The following CNTNAP5 variants were observed in gnomAD, a reference collection of about 807,000 sequenced individuals.
CNTNAP5 encodes the protein contactin associated protein family member 5.
CNTNAP5 carries 72 observed loss-of-function variants against 150.2 expected under a neutral mutation model. That is an observed-to-expected ratio of 0.48 (90% CI 0.40 to 0.58). The LOEUF (loss-of-function observed/expected upper bound fraction) is 0.58, where lower values mean the gene tolerates loss of function less well. Ranked by LOEUF, CNTNAP5 falls within the 20% of genes least tolerant of loss-of-function variation. The pLI is 0.00. For synonymous variants in CNTNAP5, 672 were observed against 619.8 expected (o/e 1.08, Z -1.25); for missense variants, 1,636 against 1,626.2 (o/e 1.01, Z -0.10).
chr2:124,685,579 G>A (rs951429437), intron 13 of CNTNAP5, among the ~76,000 whole-genome samples: 6 of 152,080 alleles, frequency 3.9e-5, no homozygotes, highest in Non-Finnish European at 8.8e-5. Flanking sequence ...GCTCAATCCT[G>A]AATCACTAAA....
intron 17 of CNTNAP5, among the ~76,000 whole-genome samples, chr2:124,774,312 T>C (rs1348505208): frequency 6.6e-6 from 1 of 152,116 alleles, no homozygotes; most frequent in Non-Finnish European, 1.5e-5. Flanking sequence ...TCCTTTAAAT[T>C]TAGGTTTGTG....
At chr2:124,687,562 A>G (rs978056984) in intron 13 of CNTNAP5, among the ~76,000 whole-genome samples, 1 of 151,512 alleles carries the variant, frequency 6.6e-6, no homozygotes, top group Non-Finnish European at 1.5e-5. Flanking sequence ...GTGCTTGGAG[A>G]ATATTGATGT....
At chr2:124,667,539 G>T (rs1260659807) in intron 13 of CNTNAP5, among the ~76,000 whole-genome samples, 2 of 152,144 alleles carry the variant, frequency 1.3e-5, no homozygotes, top group Non-Finnish European at 2.9e-5. Context: ...GTTTTGGTGG[G>T]TGTGTTCTTC....
chr2:124,686,406 T>C (rs1405404365), intron 13 of CNTNAP5, among the ~76,000 whole-genome samples: 1 of 152,130 alleles, frequency 6.6e-6, no homozygotes, highest in East Asian at 1.9e-4. Flanking sequence ...AAAACTGAAC[T>C]GAAGGGGTAG....
chr2:124,630,100 G>T (rs1242444921), intron 12 of CNTNAP5, among the ~76,000 whole-genome samples: 1 of 150,412 alleles, frequency 6.6e-6, no homozygotes, highest in Non-Finnish European at 1.5e-5. Flanking sequence ...AAAAAAAAAA[G>T]AATCCCAAGT....
intron 3 of CNTNAP5, among the ~76,000 whole-genome samples, chr2:124,343,710 G>T (rs567328116): frequency 6.1e-4 from 93 of 152,214 alleles, no homozygotes; most frequent in South Asian, 1.2e-3. Flanking sequence ...TACAAAGAAC[G>T]TGTTTCTCTC....
At chr2:124,197,176 A>G (rs1442455283) in intron 1 of CNTNAP5, among the ~76,000 whole-genome samples, 1 of 152,192 alleles carries the variant, frequency 6.6e-6, no homozygotes, top group Admixed American at 6.5e-5. Context: ...TATGATCTCA[A>G]TTTAGGGAAA....
In CNTNAP5 at chr2:124,750,597, G is replaced by A. The variant is rs191363737; in HGVS notation, c.2234+3212G>A. ...GTGCAGAGAAAGTCAGGGGCATTAC[G>A]GTCCCTGCCCTTGAGGAACCCTCAG... On this transcript the variant is annotated intron_variant, in intron 14 of 23. Transcript: ENST00000682447. Among the ~76,000 whole-genome samples, 181 of 152,210 alleles carry A rather than the reference G, an allele frequency of 1.2e-3. 1 individual carries two copies. In the Middle Eastern group the frequency reaches 0.017, roughly 14 times the overall value.
At chr2:124,749,139 G>A (rs879641355) in intron 14 of CNTNAP5, among the ~76,000 whole-genome samples, 1 of 152,168 alleles carries the variant, frequency 6.6e-6, no homozygotes, top group Non-Finnish European at 1.5e-5. Context: ...GTGTGTTGAA[G>A]TGTTAGATGG....
chr2:124,581,296 TA>T (rs1468982489), intron 11 of CNTNAP5, among the ~76,000 whole-genome samples: 1 of 152,202 alleles, frequency 6.6e-6, no homozygotes, highest in East Asian at 1.9e-4. Context: ...AAGGTGGGAA[TA>T]AAAGTGAAAC....
chr2:124,290,876 TTATTTATTTATTTATTTA>T (rs1688271607), intron 3 of CNTNAP5, among the ~76,000 whole-genome samples: 56 of 29,868 alleles, frequency 1.9e-3, no homozygotes, highest in African/African-American at 9.6e-3. Flanking sequence ...CTTCCTTCCT[TTATTTATTTATTTATTTA>T]TTTATTTATT....
At chr2:124,786,767 A>G (rs765258780) in intron 17 of CNTNAP5, among the ~76,000 whole-genome samples, 11 of 152,108 alleles carry the variant, frequency 7.2e-5, no homozygotes, top group African/African-American at 1.2e-4. Flanking sequence ...TTTCTGTACA[A>G]TAAGTTTTAC....
At chr2:124,412,478 T>C (rs1272253374) in intron 3 of CNTNAP5, among the ~76,000 whole-genome samples, 1 of 151,046 alleles carries the variant, frequency 6.6e-6, no homozygotes, top group Non-Finnish European at 1.5e-5. Flanking sequence ...GACTTCAAAC[T>C]ATACTACAAG....
chr2:124,862,740 G>T (rs1053033639), intron 19 of CNTNAP5, among the ~76,000 whole-genome samples: 4 of 152,208 alleles, frequency 2.6e-5, no homozygotes, highest in Non-Finnish European at 5.9e-5. Flanking sequence ...CCTTCTGGAA[G>T]TTAGCCTTTC....
chr2:124,702,202 C>T (rs1679535898), intron 13 of CNTNAP5, among the ~76,000 whole-genome samples: 1 of 151,868 alleles, frequency 6.6e-6, no homozygotes, highest in Non-Finnish European at 1.5e-5. Flanking sequence ...AATTCTTCTG[C>T]CCAAAATGAG....
intron 21 of CNTNAP5, among the ~76,000 whole-genome samples, chr2:124,897,251 T>C (rs1306726475): frequency 1.3e-5 from 2 of 151,550 alleles, no homozygotes; most frequent in Non-Finnish European, 2.9e-5. Context: ...TGATCACTGT[T>C]ACCCTAGATT....
Position 124,390,944 on chromosome 2 carries a change from G to A in CNTNAP5, c.382-26499G>A, listed in dbSNP as rs79284949. 5.9e-3 allele frequency among the ~76,000 whole-genome samples: 895 copies of A among 152,332 alleles called. 7 individuals are homozygous for A. Among genetic ancestry groups the A allele is most frequent in the African/African-American group, 0.02 (845 of 41,576 alleles). ...AGTATTTCTGTAAGGGAGATAAAAA[G>A]TATTTGCGTTAGACATGGGTTCAGA... is the stretch of plus-strand genomic sequence containing the variant. On this transcript the variant is annotated intron_variant, in intron 3 of 23. Transcript: ENST00000682447.
At position 124,914,556 on chromosome 2, in the gene CNTNAP5, C is replaced by T; in HGVS notation, c.*268C>T. The T allele has an allele frequency of 2.5e-6, 1 of 406,462 alleles. No individual in the cohort carries two copies. The allele number at this position is 406,462 out of a possible 1,614,324, so 25.2% of individuals were successfully genotyped here. A position where few individuals can be genotyped will look rare whatever the true frequency, so the allele number is the denominator to read the frequency against. On this transcript the variant is annotated 3_prime_UTR_variant, in exon 24 of 24. Transcript: ENST00000682447. ...TTCGCCATTCAAGACAAGGAAGAGA[C>T]ACATGTGTGCACTCCTGCATGTTCA... is the stretch of plus-strand genomic sequence containing the variant.
At chr2:124,845,306 A>G (rs1170620988) in intron 19 of CNTNAP5, among the ~76,000 whole-genome samples, 1 of 152,110 alleles carries the variant, frequency 6.6e-6, no homozygotes, top group Non-Finnish European at 1.5e-5. Flanking sequence ...CTGTTAAACC[A>G]TCCCTGCATT....
Sources: gnomAD v4.1 joint callset for allele counts (sites outside exome capture counted in the v4.1 genomes callset) on GRCh38, gnomAD v4.1.1 for gene constraint, MANE v1.5 for transcripts, NCBI Gene and HGNC (gene_info 2026-07-23, HGNC 2026-07-21) for gene names.